Variants in ALDH3B2 observed in about 807,000 individuals in gnomAD.
The protein encoded by ALDH3B2 is aldehyde dehydrogenase 3 family member B2.
In ALDH3B2, 45 loss-of-function variants were observed where a neutral mutation model predicts 36.7. That is an observed-to-expected ratio of 1.23 (90% CI 0.97 to 1.57). ALDH3B2 has a LOEUF of 1.57. Among genes scored for constraint, ALDH3B2 ranks in the 40% most tolerant of loss-of-function variants. The pLI is 0.00. For missense variants in ALDH3B2, 464 were observed against 513.3 expected (o/e 0.90, Z 0.93); for synonymous variants, 217 against 226.5 (o/e 0.96, Z 0.38).
upstream of ALDH3B2, among the ~76,000 whole-genome samples, chr11:67,678,705 G>GTCTC (rs200393490): frequency 0.016 from 771 of 48,286 alleles, 7 homozygotes; most frequent in African/African-American, 0.032. Context: ...ACACTATGGT[G>GTCTC]TCTATATATA....
chr11:67,669,425 GGT>G (rs1350931883), intron 1 of ALDH3B2, among the ~76,000 whole-genome samples: 1 of 135,232 alleles, frequency 7.4e-6, no homozygotes, highest in Non-Finnish European at 1.6e-5. Flanking sequence ...TATGTGTGTG[GGT>G]GTGTGTGTCC....
chr11:67,675,460 T>G (rs1369347163), upstream of ALDH3B2, among the ~76,000 whole-genome samples: 1 of 152,166 alleles, frequency 6.6e-6, no homozygotes, highest in Non-Finnish European at 1.5e-5. Flanking sequence ...CTGTCCTTCA[T>G]GGATGGCCTG....
chr11:67,675,158 G>A (rs1358815667), upstream of ALDH3B2, among the ~76,000 whole-genome samples: 1 of 152,208 alleles, frequency 6.6e-6, no homozygotes, highest in African/African-American at 2.4e-5. Flanking sequence ...AGAGACCCTT[G>A]ATGGGCGACG....
intron 7 of ALDH3B2, 64 bp downstream of exon 7, chr11:67,665,221 C>T (rs540389399): frequency 3.1e-5 from 47 of 1,538,814 alleles, no homozygotes; most frequent in South Asian, 1.0e-4. Context: ...GTGGCCCAGC[C>T]GTGGGCCCTC....
chr11:67,669,067 G>A (rs978440314), intron 1 of ALDH3B2, among the ~76,000 whole-genome samples: 2 of 151,188 alleles, frequency 1.3e-5, no homozygotes, highest in African/African-American at 2.4e-5. Context: ...GTGTATGGGT[G>A]TCTGTGTGTC....
chr11:67,662,585 T>C (rs2134123165), exon 10 of ALDH3B2: 1 of 152,908 alleles, frequency 6.5e-6, no homozygotes, highest in African/African-American at 2.4e-5. Context: ...ATAAGGAAAC[T>C]GAGGCTCAGA....
At chr11:67,672,085 A>ATATATATGTG (rs1398899805) in intron 1 of ALDH3B2, among the ~76,000 whole-genome samples, 3 of 52,838 alleles carry the variant, frequency 5.7e-5, no homozygotes, top group African/African-American at 2.2e-4. Flanking sequence ...ATATATATAT[A>ATATATATGTG]TATGTATGTA....
intron 7 of ALDH3B2, 129 bp from the exon 8 acceptor site, chr11:67,664,691 C>G: frequency 1.5e-6 from 2 of 1,354,316 alleles, no homozygotes; most frequent in Non-Finnish European, 2.0e-6. Context: ...CTTCCCAGCG[C>G]TTCAGGCTTT....
chr11:67,675,301 G>T (rs1856243128), upstream of ALDH3B2, among the ~76,000 whole-genome samples: 1 of 152,326 alleles, frequency 6.6e-6, no homozygotes, highest in Middle Eastern at 3.4e-3. Context: ...TCTTGAGAGG[G>T]TCACAGAGGG....
chr11:67,671,807 T>C (rs1856122221), intron 1 of ALDH3B2, among the ~76,000 whole-genome samples: 1 of 151,064 alleles, frequency 6.6e-6, no homozygotes, highest in South Asian at 2.1e-4. Context: ...CCTCCCAAAG[T>C]GCTGGGATTA....
chr11:67,667,563 C>T (rs1333243415), exon 2 of ALDH3B2: 1 of 383,828 alleles, frequency 2.6e-6, no homozygotes, highest in South Asian at 8.9e-5. Context: ...CAGCCCGGAA[C>T]TCGGCCGGCC....
intron 8 of ALDH3B2, chr11:67,664,153 T>C: frequency 1.6e-6 from 1 of 626,352 alleles, no homozygotes; most frequent in South Asian, 1.9e-5. Context: ...CTTTGCACAG[T>C]CCAAGTGCAG....
At position 67,666,891 on chromosome 11, in the gene ALDH3B2, G is replaced by C; in HGVS notation, c.30+15C>G. On this transcript the variant is annotated intron_variant, in intron 3 of 9. Coordinates refer to ENST00000349015, the Ensembl canonical transcript of ALDH3B2. ...GCCCTGCCCTGCCCTCCTGCCGCCT[G>C]CCAGCAGGGCTCACCAGGTTCGTGG... 6.2e-7 allele frequency: 1 copy of C among 1,614,210 alleles called. No individual in the cohort carries two copies.
At chr11:67,665,980 T>C (rs1855896303) in intron 6 of ALDH3B2, 142 bp downstream of exon 6, 6 of 1,174,876 alleles carry the variant, frequency 5.1e-6, no homozygotes, top group Non-Finnish European at 7.3e-6. Flanking sequence ...GCGTGGCCTA[T>C]GCAGGCAGAC....
At chr11:67,666,323 A>G (rs1439438450) in exon 5 of ALDH3B2, 4 of 1,607,546 alleles carry the variant, frequency 2.5e-6, no homozygotes, top group Non-Finnish European at 1.7e-6. Context: ...CACCTGGTCC[A>G]GGTACTGGGG....
At chr11:67,666,862 C>T (rs371195464) in intron 3 of ALDH3B2, 44 bp downstream of exon 3, 129 of 1,613,874 alleles carry the variant, frequency 8.0e-5, no homozygotes, top group African/African-American at 1.1e-4. Flanking sequence ...CAGAGCTACC[C>T]GGTGCCCTGC....
At chr11:67,666,517 C>T in intron 4 of ALDH3B2, 57 bp downstream of exon 4, 1 of 1,610,216 alleles carries the variant, frequency 6.2e-7, no homozygotes, top group Non-Finnish European at 8.5e-7. Flanking sequence ...TTCCAGGGGC[C>T]TCTTTGGGAG....
At chr11:67,664,625 T>A in intron 7 of ALDH3B2, 63 bp from the exon 8 acceptor site, 5 of 1,590,100 alleles carry the variant, frequency 3.1e-6, no homozygotes, top group Non-Finnish European at 4.3e-6. Context: ...AGGGGTAGGG[T>A]AGAGGTGGGG....
exon 10 of ALDH3B2, chr11:67,663,171 G>C (rs766961308): frequency 1.5e-5 from 23 of 1,556,914 alleles, no homozygotes; most frequent in Non-Finnish European, 1.9e-5. Context: ...CTCATGGCTA[G>C]ACTCAGGTTT....
Sources: allele counts gnomAD v4.1 joint callset (sites outside exome capture counted in the v4.1 genomes callset), GRCh38; gene constraint gnomAD v4.1.1; transcripts MANE v1.5; gene names NCBI Gene and HGNC (gene_info 2026-07-23, HGNC 2026-07-21).